Variants in GABRG3 observed in about 807,000 individuals in gnomAD.
GABRG3 encodes the protein gamma-aminobutyric acid receptor subunit gamma-3.
In GABRG3, 25 loss-of-function variants were observed where a neutral mutation model predicts 48.8. That is an observed-to-expected ratio of 0.51 (90% CI 0.37 to 0.72). The LOEUF (loss-of-function observed/expected upper bound fraction) is 0.72. GABRG3 is among the 30% of genes least tolerant of loss of function. The pLI is 0.00. For missense variants in GABRG3, 394 were observed against 577.9 expected, an observed-to-expected ratio of 0.68 and a Z score of 3.26; for synonymous variants, 227 against 217.6, an observed-to-expected ratio of 1.04 and a Z score of -0.38.
intron 6 of GABRG3, among the ~76,000 whole-genome samples, chr15:27,496,802 A>G (rs1374660348): frequency 1.3e-5 from 2 of 152,222 alleles, no homozygotes; most frequent in East Asian, 1.9e-4. Context: ...AGCCACTCAC[A>G]TGGCAGGATG....
chr15:27,390,172 T>C (rs544724165), intron 5 of GABRG3, among the ~76,000 whole-genome samples: 1 of 152,350 alleles, frequency 6.6e-6, no homozygotes, highest in Non-Finnish European at 1.5e-5. Context: ...GAATAATGCT[T>C]CACAAATCAT....
chr15:27,063,957 C>T (rs1376499746), intron 3 of GABRG3, among the ~76,000 whole-genome samples: 3 of 152,202 alleles, frequency 2.0e-5, no homozygotes. Context: ...ACATGAAACC[C>T]ACACAGTCCA....
At chr15:27,103,222 G>C (rs980330255) in intron 3 of GABRG3, among the ~76,000 whole-genome samples, 1 of 152,142 alleles carries the variant, frequency 6.6e-6, no homozygotes, top group Non-Finnish European at 1.5e-5. Flanking sequence ...CTTCTTTGAC[G>C]TATACATATT....
chr15:27,349,819 A>G (rs746028368), intron 5 of GABRG3, among the ~76,000 whole-genome samples: 7 of 152,164 alleles, frequency 4.6e-5, no homozygotes, highest in Non-Finnish European at 7.4e-5. Context: ...ACTCTGGGAA[A>G]GCAGTTGCAC....
chr15:27,308,655 TAAAC>T (rs1892852119), intron 3 of GABRG3, among the ~76,000 whole-genome samples: 1 of 149,520 alleles, frequency 6.7e-6, no homozygotes, highest in Non-Finnish European at 1.5e-5. Flanking sequence ...CGCTTATGTA[TAAAC>T]ATATAATGTA....
At chr15:27,420,712 G>A (rs1888087502) in intron 5 of GABRG3, 1 of 152,302 alleles carries the variant, frequency 6.6e-6, no homozygotes, top group African/African-American at 2.4e-5. Flanking sequence ...TTATAAGTGA[G>A]TCAATGGTAA....
intron 3 of GABRG3, among the ~76,000 whole-genome samples, chr15:27,138,350 G>C (rs147065862): frequency 6.6e-6 from 1 of 152,120 alleles, no homozygotes; most frequent in South Asian, 2.1e-4. Flanking sequence ...ACGTAAATAT[G>C]GTTCACTCTT....
At position 27,179,999 on chromosome 15, in the gene GABRG3, A is replaced by G. The variant is rs1281520527; in HGVS notation, c.271-146810A>G. Among the ~76,000 whole-genome samples, 1 of 152,116 alleles carries G rather than the reference A, an allele frequency of 6.6e-6. No homozygotes were observed. ...ACTTCTCTCTGGCGGTACATTTTGCACACTCATGGTTACATGGAAGTGGCT... is the reference window on the plus strand; with the variant it reads ...ACTTCTCTCTGGCGGTACATTTTGCGCACTCATGGTTACATGGAAGTGGCT... On this transcript the variant is annotated intron_variant, in intron 3 of 9. Transcript: ENST00000615808. This position sits in a 1 kb window ranked among gnomAD's most constrained non-coding sequence, Gnocchi z 4.0.
intron 3 of GABRG3, among the ~76,000 whole-genome samples, chr15:27,290,469 G>A (rs963798110): frequency 9.9e-5 from 15 of 152,110 alleles, no homozygotes; most frequent in African/African-American, 3.6e-4. Context: ...TTATCCAGAT[G>A]ATCAAGGGTG....
chr15:27,056,731 G>C (rs1896555466), intron 3 of GABRG3, among the ~76,000 whole-genome samples: 1 of 152,130 alleles, frequency 6.6e-6, no homozygotes, highest in Non-Finnish European at 1.5e-5. Context: ...CGTGAGGATG[G>C]GAGAGGTGGT....
At chr15:27,091,475 C>T (rs1342168126) in intron 3 of GABRG3, among the ~76,000 whole-genome samples, 1 of 152,060 alleles carries the variant, frequency 6.6e-6, no homozygotes, top group African/African-American at 2.4e-5. Context: ...GTAATGATGA[C>T]CTCATAGAAA....
chr15:27,453,517 T>C (rs1889171934), intron 5 of GABRG3, among the ~76,000 whole-genome samples: 1 of 152,220 alleles, frequency 6.6e-6, no homozygotes, highest in African/African-American at 2.4e-5. Flanking sequence ...CATATTCATT[T>C]AATTATCTCA....
At chr15:26,991,284 G>A (rs1895243033) in intron 2 of GABRG3, among the ~76,000 whole-genome samples, 1 of 151,944 alleles carries the variant, frequency 6.6e-6, no homozygotes, top group African/African-American at 2.4e-5. Flanking sequence ...TTATGTGTCT[G>A]TTTTTTATGC....
chr15:27,139,883 T>G lies in GABRG3; in HGVS notation c.270+113062T>G, dbSNP rs145931908. Among the ~76,000 whole-genome samples, 311 of 152,240 alleles carry G rather than the reference T, an allele frequency of 2.0e-3. 6 individuals carry two copies. The highest frequency in any genetic ancestry group is 7.2e-3 in the African/African-American group (301 of 41,550). Reference sequence around the variant, plus strand: ...CAACCACTGGGGAGCAGAAAGAGACTGAAGATTAAGCTGATCACCAATGGC... The same window carrying G: ...CAACCACTGGGGAGCAGAAAGAGACGGAAGATTAAGCTGATCACCAATGGC... On this transcript the variant is annotated intron_variant, in intron 3 of 9. Transcript: ENST00000615808.
chr15:27,417,156 A>G (rs1887963218), intron 5 of GABRG3, among the ~76,000 whole-genome samples: 1 of 152,172 alleles, frequency 6.6e-6, no homozygotes, highest in African/African-American at 2.4e-5. Flanking sequence ...GGTAGAGCCT[A>G]GGCATGTTGC....
chr15:27,504,532 AT>A (rs925844169), intron 6 of GABRG3, among the ~76,000 whole-genome samples: 2 of 152,150 alleles, frequency 1.3e-5, no homozygotes, highest in African/African-American at 4.8e-5. Flanking sequence ...TGCTATTGTG[AT>A]TATACATTTT....
At position 27,423,492 on chromosome 15, in the gene GABRG3, C is replaced by A. The variant is rs543106044; in HGVS notation, c.575-57158C>A. On this transcript the variant is annotated intron_variant, in intron 5 of 9. Coordinates refer to ENST00000615808, the MANE Select transcript of GABRG3 (RefSeq NM_033223.5). ...TCTGGACTCAACATTTTATTATGAT[C>A]TGTGAGAATTTGAGCAATCCATTTA... 6.6e-4 allele frequency among the ~76,000 whole-genome samples: 100 copies of A among 150,834 alleles called. 1 individual carries two copies. Among genetic ancestry groups the A allele is most frequent in the African/African-American group, 2.4e-3 (98 of 41,254 alleles).
chr15:27,470,399 T>A (rs185437789), intron 5 of GABRG3, among the ~76,000 whole-genome samples: 90 of 151,954 alleles, frequency 5.9e-4, no homozygotes, highest in African/African-American at 2.0e-3. Flanking sequence ...ATTTTTTTTT[T>A]AAATTTGTAT....
intron 3 of GABRG3, among the ~76,000 whole-genome samples, chr15:27,295,934 G>A (rs145617244): frequency 3.8e-3 from 574 of 152,258 alleles, no homozygotes; most frequent in Middle Eastern, 6.8e-3. Flanking sequence ...CTGGCAATGG[G>A]GGAAATGGTA....
Sources: allele counts gnomAD v4.1 joint callset (sites outside exome capture counted in the v4.1 genomes callset), GRCh38; gene constraint gnomAD v4.1.1; non-coding constraint Gnocchi (gnomAD v3.1); transcripts MANE v1.5; gene names NCBI Gene and HGNC (gene_info 2026-07-23, HGNC 2026-07-21).